The following KLHL20 variants were observed in gnomAD, a reference collection of about 807,000 sequenced individuals.
KLHL20 encodes the protein kelch-like protein 20.
KLHL20 carries 29 observed loss-of-function variants against 69.5 expected under a neutral mutation model. That is an observed-to-expected ratio of 0.42 (90% CI 0.31 to 0.57). KLHL20 has a LOEUF of 0.57. KLHL20 is among the 20% of genes least tolerant of loss of function. KLHL20 has a pLI of 0.18. For synonymous variants in KLHL20, 253 were observed against 265.2 expected (o/e 0.95, Z 0.45); for missense variants, 419 against 776.0 (o/e 0.54, Z 5.47).
intron 3 of KLHL20, 32 bp from the exon 4 acceptor site, chr1:173,751,732 A>T: frequency 6.3e-7 from 1 of 1,594,864 alleles, no homozygotes; most frequent in Non-Finnish European, 8.6e-7. Flanking sequence ...TGATCACAGG[A>T]TTTTTTTTTC....
At chr1:173,737,331 C>T (rs1475180164) in intron 3 of KLHL20, among the ~76,000 whole-genome samples, 3 of 152,206 alleles carry the variant, frequency 2.0e-5, no homozygotes, top group Admixed American at 1.3e-4. Context: ...CCAATGTTAT[C>T]TTCTAGAATT....
intron 2 of KLHL20, among the ~76,000 whole-genome samples, chr1:173,726,024 T>A (rs1671941565): frequency 1.3e-5 from 2 of 152,194 alleles, no homozygotes; most frequent in African/African-American, 4.8e-5. Flanking sequence ...AGATGGCACC[T>A]GGAAAATCGG....
chr1:173,715,306 C>T (rs1055248030), intron 1 of KLHL20: 1 of 152,244 alleles, frequency 6.6e-6, no homozygotes, highest in Non-Finnish European at 1.5e-5. Flanking sequence ...AGGCCCCGGG[C>T]TTTGTCCTGC....
At chr1:173,775,022 G>A (rs1044137476) in intron 9 of KLHL20, among the ~76,000 whole-genome samples, 1 of 152,046 alleles carries the variant, frequency 6.6e-6, no homozygotes, top group Non-Finnish European at 1.5e-5. Context: ...TGTTGCCCAG[G>A]TTGGTCTCAA....
intron 2 of KLHL20, among the ~76,000 whole-genome samples, chr1:173,721,980 C>T (rs774900532): frequency 2.0e-5 from 3 of 152,058 alleles, no homozygotes; most frequent in Non-Finnish European, 2.9e-5. Flanking sequence ...ATTTAGATAG[C>T]GTATTAGTCC....
intron 6 of KLHL20, 60 bp from the exon 7 acceptor site, chr1:173,756,912 TAGTG>T (rs1395109111): frequency 1.1e-5 from 16 of 1,471,812 alleles, no homozygotes; most frequent in Non-Finnish European, 1.5e-5. Context: ...GTGAAGTTAG[TAGTG>T]AGTGTTACAT....
chr1:173,739,853 C>G (rs2102481211), intron 3 of KLHL20, among the ~76,000 whole-genome samples: 1 of 151,086 alleles, frequency 6.6e-6, no homozygotes, highest in South Asian at 2.1e-4. Context: ...GTTGGGCAGG[C>G]TAGTCTCGAA....
intron 3 of KLHL20, among the ~76,000 whole-genome samples, chr1:173,743,168 C>T (rs997224542): frequency 6.7e-5 from 10 of 149,196 alleles, no homozygotes; most frequent in African/African-American, 2.5e-4. Context: ...TGAAAGGATG[C>T]TCAACCTCAC....
chr1:173,735,460 A>T (rs1225166867), intron 3 of KLHL20, among the ~76,000 whole-genome samples: 4 of 152,082 alleles, frequency 2.6e-5, no homozygotes, highest in African/African-American at 9.7e-5. Context: ...CAAAAAAAAA[A>T]AAAAAGAATT....
intron 2 of KLHL20, among the ~76,000 whole-genome samples, chr1:173,731,863 A>C (rs1045834076): frequency 6.6e-6 from 1 of 152,170 alleles, no homozygotes; most frequent in Non-Finnish European, 1.5e-5. Context: ...TTAAAGTATA[A>C]TTAAAAAAAC....
rs556890955 is a variant in KLHL20, at chr1:173,738,865, CT to C, written c.597+4584del. ...AACCCACTTGATCATGGTGGATTATCTTTTTGATATGCTGTTGGATTCAGTT... is the reference window on the plus strand; with the variant it reads ...AACCCACTTGATCATGGTGGATTATCTTTTGATATGCTGTTGGATTCAGTT... On this transcript the variant is annotated intron_variant, in intron 3 of 11. Coordinates refer to ENST00000209884, the MANE Select transcript of KLHL20 (RefSeq NM_014458.4). Among the ~76,000 whole-genome samples, 789 of 152,290 alleles carry C rather than the reference CT, an allele frequency of 5.2e-3. 5 individuals carry two copies. The highest frequency in any genetic ancestry group is 8.8e-3 in the Non-Finnish European group (600 of 68,020).
rs1483535923 is a variant in KLHL20, at chr1:173,775,899, A to G, written c.1638+57A>G. 11 of 1,444,376 alleles carry G rather than the reference A, an allele frequency of 7.6e-6. No homozygotes were observed. In the East Asian group the frequency reaches 2.3e-4, roughly 30 times the overall value. The allele number at this position is 1,444,376 out of a possible 1,614,324, so 89.5% of individuals were successfully genotyped here. A position where few individuals can be genotyped will look rare whatever the true frequency, so the allele number is the denominator to read the frequency against. Reference sequence around the variant, plus strand: ...AAATCTTGGCTATTAATAGTGCTGCAATAAACATGGGAGTGCAGATATCTC... The same window carrying G: ...AAATCTTGGCTATTAATAGTGCTGCGATAAACATGGGAGTGCAGATATCTC... On this transcript the variant is annotated intron_variant, in intron 10 of 11. Coordinates refer to ENST00000209884, the MANE Select transcript of KLHL20 (RefSeq NM_014458.4).
chr1:173,726,789 A>G (rs1671989097), intron 2 of KLHL20, among the ~76,000 whole-genome samples: 1 of 152,166 alleles, frequency 6.6e-6, no homozygotes, highest in Non-Finnish European at 1.5e-5. Context: ...TAAAACCACA[A>G]AGATGGGGAA....
rs1431431719 is a variant in KLHL20 at position 173,785,657 on chromosome 1, T to C, written c.*410T>C. On this transcript the variant is annotated 3_prime_UTR_variant, in exon 12 of 12. Transcript: ENST00000209884. Reference sequence around the variant, plus strand: ...AGACACTCCATCCACATGATTCCACTAACAAGGATTACCAGGAATAAAGGT... The same window carrying C: ...AGACACTCCATCCACATGATTCCACCAACAAGGATTACCAGGAATAAAGGT... 6.6e-6 allele frequency: 1 copy of C among 151,838 alleles called. No homozygotes were observed. The highest frequency in any genetic ancestry group is 1.5e-5 in the Non-Finnish European group (1 of 68,100). 9.4% of individuals were successfully genotyped at this position (151,838 alleles called of 1,614,324 possible).
intron 5 of KLHL20, among the ~76,000 whole-genome samples, chr1:173,755,312 C>G (rs746453774): frequency 6.6e-6 from 1 of 152,118 alleles, no homozygotes; most frequent in Non-Finnish European, 1.5e-5. Context: ...CGCCCCTCAG[C>G]CTCCCAAAGT....
chr1:173,735,611 T>TC (rs1387528025), intron 3 of KLHL20, among the ~76,000 whole-genome samples: 1 of 152,182 alleles, frequency 6.6e-6, no homozygotes, highest in Non-Finnish European at 1.5e-5. Context: ...ATAGTTTTTT[T>TC]CCCCCTAATA....
At chr1:173,717,862 CAATT>C (rs1308959229) in intron 2 of KLHL20, among the ~76,000 whole-genome samples, 4 of 152,096 alleles carry the variant, frequency 2.6e-5, no homozygotes, top group Non-Finnish European at 5.9e-5. Flanking sequence ...TTTATGAAAT[CAATT>C]GGCATTTTAT....
At chr1:173,718,634 A>C (rs1265933689) in intron 2 of KLHL20, among the ~76,000 whole-genome samples, 1 of 151,906 alleles carries the variant, frequency 6.6e-6, no homozygotes, top group African/African-American at 2.4e-5. Flanking sequence ...AGGCTGAAGC[A>C]GGAGGATTGC....
Position 173,745,175 on chromosome 1 carries a change from T to C in KLHL20, c.598-6589T>C, listed in dbSNP as rs572013236. On this transcript the variant is annotated intron_variant, in intron 3 of 11. Transcript: ENST00000209884. ...CTTTTATACATTTCTTTTTTCTTTT[T>C]TTTTTTTTTTTTTTGAGACGGAGTC... is the stretch of plus-strand genomic sequence containing the variant. Among the ~76,000 whole-genome samples the C allele has an allele frequency of 1.6e-3, 215 of 138,024 alleles. 1 individual carries two copies. The highest frequency in any genetic ancestry group is 1.9e-3 in the Non-Finnish European group (127 of 65,822). The allele number at this position is 138,024 out of a possible 152,430, so 90.5% of individuals were successfully genotyped here.
Sources: gnomAD v4.1 joint callset for allele counts (sites outside exome capture counted in the v4.1 genomes callset) on GRCh38, gnomAD v4.1.1 for gene constraint, MANE v1.5 for transcripts, NCBI Gene and HGNC (gene_info 2026-07-23, HGNC 2026-07-21) for gene names.